The following MYRF variants were observed in gnomAD, a reference collection of about 807,000 sequenced individuals.
MYRF encodes myelin regulatory factor.
A neutral mutation model predicts 126.3 loss-of-function variants in MYRF; 16 were observed. The ratio of observed to expected loss-of-function variants is 0.13; its 90% CI spans 0.09 to 0.19. The LOEUF is 0.19. MYRF is among the 10% of genes least tolerant of loss of function. MYRF has a pLI of 1.00. For synonymous variants in MYRF, 608 were observed against 635.3 expected (o/e 0.96, Z 0.65); for missense variants, 1,104 against 1,547.0 (o/e 0.71, Z 4.80).
intron 1 of MYRF, among the ~76,000 whole-genome samples, chr11:61,765,115 G>T (rs910751620): frequency 6.6e-6 from 1 of 152,234 alleles, no homozygotes; most frequent in Non-Finnish European, 1.5e-5. Context: ...GTGCTCCTGC[G>T]TTCCTGGAGC....
In MYRF at chr11:61,783,676, C is replaced by A; in HGVS notation, c.3119+76C>A. On this transcript the variant is annotated intron_variant, in intron 23 of 26. Coordinates refer to ENST00000278836, the MANE Select transcript of MYRF (RefSeq NM_001127392.3). This position sits in a 1 kb window ranked among gnomAD's most constrained non-coding sequence, Gnocchi z 4.6. Reference sequence around the variant, plus strand: ...CCCAGGTGGTACAGATCACCCGGAACTTGCCCTTTCAGGGAGGAGCCTCCC... The same window carrying A: ...CCCAGGTGGTACAGATCACCCGGAAATTGCCCTTTCAGGGAGGAGCCTCCC... The A allele has an allele frequency of 6.8e-7, 1 of 1,461,078 alleles. No homozygotes were observed. Among genetic ancestry groups the A allele is most frequent in the Non-Finnish European group, 9.5e-7 (1 of 1,053,218 alleles). The allele number at this position is 1,461,078 out of a possible 1,614,324, so 90.5% of individuals were successfully genotyped here.
intron 1 of MYRF, chr11:61,755,788 G>A (rs1447301289): frequency 1.9e-6 from 1 of 539,868 alleles, no homozygotes; most frequent in African/African-American, 1.9e-5. Context: ...AGGCTCGAGT[G>A]AGCAACCAGT....
rs543059287 is a variant in MYRF at position 61,755,695 on chromosome 11, C to T, written c.46+2905C>T. The T allele has an allele frequency of 2.1e-4, 145 of 692,670 alleles. 1 individual carries two copies. Among genetic ancestry groups the T allele is most frequent in the South Asian group, 2.1e-3 (137 of 66,576 alleles). The allele number at this position is 692,670 out of a possible 1,614,324, so 42.9% of individuals were successfully genotyped here. A position where few individuals can be genotyped will look rare whatever the true frequency, so the allele number is the denominator to read the frequency against. ...AGCTCTGAAGAAGCTCACTGCCCAG[C>T]CCTGGGAAGGAGAGACATGTTAGAG... is the stretch of plus-strand genomic sequence containing the variant. On this transcript the variant is annotated intron_variant, in intron 1 of 26. Coordinates refer to ENST00000278836, the MANE Select transcript of MYRF (RefSeq NM_001127392.3).
intron 1 of MYRF, 46 bp from the exon 2 acceptor site, chr11:61,765,579 G>A (rs954733234): frequency 2.7e-6 from 4 of 1,503,552 alleles, no homozygotes; most frequent in Middle Eastern, 2.1e-4. Flanking sequence ...CCCAGGGTCT[G>A]CAGGGAGCTG....
At chr11:61,756,622 G>T (rs989336802) in intron 1 of MYRF, among the ~76,000 whole-genome samples, 3 of 151,206 alleles carry the variant, frequency 2.0e-5, no homozygotes, top group South Asian at 2.1e-4. Flanking sequence ...GGGCAGGGGT[G>T]GGGGGTGGGC....
At chr11:61,762,859 G>A (rs198469) in intron 1 of MYRF, among the ~76,000 whole-genome samples, 53,050 of 151,802 alleles carry the variant, frequency 0.35, 10,209 homozygotes, top group African/African-American at 0.51. Context: ...CCCTCCTCCC[G>A]CCTCCTTCCT....
rs1391822363 is a variant in MYRF, at chr11:61,787,235, G to C, written c.*1092G>C. 1 of 152,438 alleles carries C rather than the reference G, an allele frequency of 6.6e-6. No individual in the cohort carries two copies. Among genetic ancestry groups the C allele is most frequent in the East Asian group, 1.9e-4 (1 of 5,334 alleles). The allele number at this position is 152,438 out of a possible 1,614,324, so 9.4% of individuals were successfully genotyped here. A position where few individuals can be genotyped will look rare whatever the true frequency, so the allele number is the denominator to read the frequency against. On this transcript the variant is annotated 3_prime_UTR_variant, in exon 27 of 27. Coordinates refer to ENST00000278836, the MANE Select transcript of MYRF (RefSeq NM_001127392.3). ...AGGGGTGTGACACTTGCAAAGACAGGGCTCTGACTCTGATCCCTCCCAGGG... is the reference window on the plus strand; with the variant it reads ...AGGGGTGTGACACTTGCAAAGACAGCGCTCTGACTCTGATCCCTCCCAGGG...
chr11:61,763,570 C>T (rs1193510795), intron 1 of MYRF, among the ~76,000 whole-genome samples: 1 of 152,238 alleles, frequency 6.6e-6, no homozygotes, highest in Admixed American at 6.5e-5. Context: ...GCATAAGAAA[C>T]TTCTGTGATT....
Position 61,771,872 on chromosome 11 carries a change from C to T in MYRF, c.1035C>T (p.Asp345=). The T allele has an allele frequency of 1.2e-6, 2 of 1,614,146 alleles. No individual in the cohort carries two copies. The highest frequency in any genetic ancestry group is 1.7e-6 in the Non-Finnish European group (2 of 1,180,022). ...DSDSLSGSYL[D]PNYQSIKWQP... ...ACAGCCTCAGTGGCTCCTACCTGGA[C>T]CCCAACTACCAGTCCATCAAGTGGC... Residue 345 remains aspartate (D), a synonymous_variant, in exon 7 of 27, where the codon GAC becomes GAT. Coordinates refer to ENST00000278836, the MANE Select transcript of MYRF (RefSeq NM_001127392.3).
At position 61,778,293 on chromosome 11, in the gene MYRF, C is replaced by G. The variant is rs2066441098; in HGVS notation, c.1904-87C>G. ...TCTGGGTTCCAGAACTTCACCCTCT[C>G]CAGTCTTGCTCCCACTGTACATTAC... On this transcript the variant is annotated intron_variant, in intron 13 of 26. Coordinates refer to ENST00000278836, the MANE Select transcript of MYRF (RefSeq NM_001127392.3). The surrounding 1 kb of genome is among the most constrained non-coding windows in gnomAD (Gnocchi z 4.6). 1.1e-6 allele frequency: 1 copy of G among 904,168 alleles called. No homozygotes were observed. The highest frequency in any genetic ancestry group is 2.4e-5 in the East Asian group (1 of 41,254). 56.0% of individuals were successfully genotyped at this position (904,168 alleles called of 1,614,324 possible).
At chr11:61,768,237 T>C (rs2066118011) in intron 3 of MYRF, among the ~76,000 whole-genome samples, 1 of 151,490 alleles carries the variant, frequency 6.6e-6, no homozygotes, top group Admixed American at 6.6e-5. Context: ...AATAATCAGG[T>C]GCCAGAGGAA....
intron 1 of MYRF, 84 bp from the exon 2 acceptor site, chr11:61,765,541 G>C: frequency 8.8e-7 from 1 of 1,136,324 alleles, no homozygotes; most frequent in Non-Finnish European, 1.3e-6. Flanking sequence ...GGCCAGCCTG[G>C]GCAGGGATGG....
intron 4 of MYRF, among the ~76,000 whole-genome samples, 157 bp from the exon 5 acceptor site, chr11:61,770,089 G>A (rs1390042546): frequency 1.3e-5 from 2 of 152,066 alleles, no homozygotes; most frequent in Admixed American, 1.3e-4. Flanking sequence ...CTAGTAGGTG[G>A]CTGACCAACG....
intron 1 of MYRF, among the ~76,000 whole-genome samples, chr11:61,759,038 C>T (rs2065836773): frequency 6.6e-6 from 1 of 152,220 alleles, no homozygotes; most frequent in Admixed American, 6.5e-5. Flanking sequence ...AGGGTGTGCC[C>T]TTACATATAT....
In MYRF at chr11:61,773,963, C is replaced by T. The variant is rs754152606; in HGVS notation, c.1116-4C>T. 19 of 1,607,088 alleles carry T rather than the reference C, an allele frequency of 1.2e-5. No homozygotes were observed. In the Admixed American group the frequency reaches 2.7e-4, roughly 23 times the overall value. ...CAGGGGAGTGCCCTCACCCGCCCCC[C>T]CAGGCCCATGCTCACCTACCGCGTG... On this transcript the variant is annotated splice_region_variant and splice_polypyrimidine_tract_variant and intron_variant, in intron 7 of 26. Coordinates refer to ENST00000278836, the MANE Select transcript of MYRF (RefSeq NM_001127392.3).
chr11:61,773,117 T>C (rs898917652), intron 7 of MYRF, among the ~76,000 whole-genome samples: 2 of 151,840 alleles, frequency 1.3e-5, no homozygotes, highest in Admixed American at 1.3e-4. Context: ...GCAATTCTCC[T>C]GCCTCAGCCT....
Position 61,774,066 on chromosome 11 carries a change from A to G in MYRF, c.1215A>G (p.Thr405=). The stretch of plus-strand genomic sequence containing the variant: ...AGAAGAAGAACCACTTCCAGGTGAC[A>G]GTGTACATCGGCATGCTGGGCGAGC... ...VCQKKNHFQV[T]VYIGMLGEPK... Residue 405 remains threonine, a synonymous_variant, in exon 8 of 27, where the codon ACA becomes ACG. Transcript: ENST00000278836. The G allele has an allele frequency of 1.2e-6, 2 of 1,613,764 alleles. No homozygotes were observed. The highest frequency in any genetic ancestry group is 1.1e-5 in the South Asian group (1 of 91,070).
At position 61,786,490 on chromosome 11, in the gene MYRF, A is replaced by T; in HGVS notation, c.*347A>T. The T allele has an allele frequency of 3.1e-6, 1 of 321,474 alleles. No individual in the cohort carries two copies. Among genetic ancestry groups the T allele is most frequent in the South Asian group, 4.0e-5 (1 of 25,068 alleles). 19.9% of individuals were successfully genotyped at this position (321,474 alleles called of 1,614,324 possible). A position where few individuals can be genotyped will look rare whatever the true frequency, so the allele number is the denominator to read the frequency against. The stretch of plus-strand genomic sequence containing the variant: ...GGAAGCCTGTGGCCCTGATTTGTTC[A>T]GAGCCCATTCTCCCTTGCCTCCCCT... On this transcript the variant is annotated 3_prime_UTR_variant, in exon 27 of 27. Coordinates refer to ENST00000278836, the MANE Select transcript of MYRF (RefSeq NM_001127392.3). The surrounding 1 kb of genome is among the most constrained non-coding windows in gnomAD (Gnocchi z 4.5).
intron 1 of MYRF, among the ~76,000 whole-genome samples, chr11:61,764,035 G>T (rs2065977402): frequency 6.6e-6 from 1 of 152,238 alleles, no homozygotes. Flanking sequence ...GCCACGCCCA[G>T]CTCGAGAAGC....
Sources: allele counts gnomAD v4.1 joint callset (sites outside exome capture counted in the v4.1 genomes callset), GRCh38; gene constraint gnomAD v4.1.1; non-coding constraint Gnocchi (gnomAD v3.1); transcripts MANE v1.5; gene names NCBI Gene and HGNC (gene_info 2026-07-23, HGNC 2026-07-21).